The following UBE2R2 variants were observed in gnomAD, a reference collection of about 807,000 sequenced individuals.
UBE2R2 encodes the protein ubiquitin conjugating enzyme E2 R2, also known as ubiquitin-conjugating enzyme E2 R2.
Under a neutral mutation model 27.8 loss-of-function variants are expected in UBE2R2, and 1 was observed. The observed-to-expected ratio is 0.04, with a 90% CI of 0.01 to 0.17. The LOEUF (loss-of-function observed/expected upper bound fraction) is 0.17. UBE2R2 is among the 10% of genes least tolerant of loss of function. UBE2R2 has a pLI of 1.00. For missense variants in UBE2R2, 100 were observed against 291.0 expected, an observed-to-expected ratio of 0.34 and a Z score of 4.78; for synonymous variants, 106 against 113.3, an observed-to-expected ratio of 0.94 and a Z score of 0.41.
chr9:33,822,288 T>A (rs1228241745), intron 1 of UBE2R2, among the ~76,000 whole-genome samples: 1 of 151,676 alleles, frequency 6.6e-6, no homozygotes, highest in Non-Finnish European at 1.5e-5. Flanking sequence ...ACGAGGTTTC[T>A]CCATGTTGGT....
At chr9:33,913,874 A>C (rs1000911649) in intron 4 of UBE2R2, among the ~76,000 whole-genome samples, 1 of 152,198 alleles carries the variant, frequency 6.6e-6, no homozygotes, top group South Asian at 2.1e-4. Flanking sequence ...GTGTGTGTAT[A>C]TATATCTCAC....
chr9:33,848,846 C>G (rs1488029486), intron 1 of UBE2R2, among the ~76,000 whole-genome samples: 1 of 151,914 alleles, frequency 6.6e-6, no homozygotes, highest in East Asian at 1.9e-4. Flanking sequence ...TCAGGTGATC[C>G]AACCACCTTG....
intron 3 of UBE2R2, among the ~76,000 whole-genome samples, chr9:33,911,425 A>G (rs1044300262): frequency 2.0e-5 from 3 of 148,246 alleles, no homozygotes; most frequent in African/African-American, 7.4e-5. Context: ...AAAAAAAAAA[A>G]AAAAAAAAAA....
chr9:33,839,113 A>C (rs1191931450), intron 1 of UBE2R2, among the ~76,000 whole-genome samples: 2 of 151,652 alleles, frequency 1.3e-5, no homozygotes, highest in Non-Finnish European at 2.9e-5. Flanking sequence ...CTGTGGTCTG[A>C]ATGTGTATCC....
chr9:33,842,444 A>G (rs1820751366), intron 1 of UBE2R2, among the ~76,000 whole-genome samples: 1 of 152,236 alleles, frequency 6.6e-6, no homozygotes, highest in Non-Finnish European at 1.5e-5. Flanking sequence ...TCAAATAAAA[A>G]TAATTGAAAT....
chr9:33,900,349 G>T, intron 3 of UBE2R2, 78 bp downstream of exon 3: 3 of 1,034,050 alleles, frequency 2.9e-6, no homozygotes, highest in Admixed American at 2.1e-5. Context: ...ATTATGTATT[G>T]TCTTTTAACA....
At chr9:33,901,717 A>T (rs1822248342) in intron 3 of UBE2R2, among the ~76,000 whole-genome samples, 1 of 152,174 alleles carries the variant, frequency 6.6e-6, no homozygotes, top group South Asian at 2.1e-4. Context: ...TTTGTTACTC[A>T]TTCCTTTGGG....
At chr9:33,880,838 T>C (rs1458269892) in intron 1 of UBE2R2, among the ~76,000 whole-genome samples, 1 of 151,832 alleles carries the variant, frequency 6.6e-6, no homozygotes, top group African/African-American at 2.4e-5. Flanking sequence ...GTGTTCCTTA[T>C]GAGAATCTGA....
intron 1 of UBE2R2, chr9:33,818,793 A>T (rs1046653034): frequency 6.6e-6 from 1 of 152,160 alleles, no homozygotes; most frequent in Non-Finnish European, 1.5e-5. Context: ...TCAAGTGGTT[A>T]ACTCTAGCTA....
Position 33,842,290 on chromosome 9 carries a change from A to G in UBE2R2, c.177+24356A>G, listed in dbSNP as rs563449917. Among the ~76,000 whole-genome samples, 11 of 152,304 alleles carry G rather than the reference A, an allele frequency of 7.2e-5. No individual in the cohort carries two copies. The South Asian group carries it at 1.7e-3, about 23-fold the overall frequency. On this transcript the variant is annotated intron_variant, in intron 1 of 4. Coordinates refer to ENST00000263228, the MANE Select transcript of UBE2R2 (RefSeq NM_017811.4). ...GTGGTGCACACCTGTAGTCCCAGAT[A>G]CGCGGAAGGCTGAGGTAGGAGGATC...
intron 3 of UBE2R2, among the ~76,000 whole-genome samples, chr9:33,909,710 C>T (rs532392446): frequency 8.5e-5 from 13 of 152,230 alleles, no homozygotes; most frequent in Admixed American, 8.5e-4. Flanking sequence ...TGAGCCACCA[C>T]GCCTGGGCTT....
chr9:33,911,431 A>G (rs944324408), intron 3 of UBE2R2, among the ~76,000 whole-genome samples: 1 of 140,504 alleles, frequency 7.1e-6, no homozygotes, highest in African/African-American at 2.7e-5. Flanking sequence ...AAAAAAAAAA[A>G]AAAACCTGGT....
intron 1 of UBE2R2, among the ~76,000 whole-genome samples, chr9:33,827,990 A>T (rs1820353498): frequency 6.6e-6 from 1 of 151,424 alleles, no homozygotes; most frequent in African/African-American, 2.4e-5. Flanking sequence ...ATAAATACAA[A>T]TAAAATAAAT....
At chr9:33,817,049 G>A (rs917685763), upstream of UBE2R2, among the ~76,000 whole-genome samples, 1 of 151,978 alleles carries the variant, frequency 6.6e-6, no homozygotes, top group African/African-American at 2.4e-5. Context: ...GGCACGGTGG[G>A]GGGAGGGGAG....
At chr9:33,848,032 T>C (rs1036661936) in intron 1 of UBE2R2, among the ~76,000 whole-genome samples, 1 of 151,932 alleles carries the variant, frequency 6.6e-6, no homozygotes, top group Non-Finnish European at 1.5e-5. Context: ...TGGGATTACA[T>C]GCAGGAGCCA....
At chr9:33,859,759 TTTG>T (rs1158897047) in intron 1 of UBE2R2, among the ~76,000 whole-genome samples, 85 of 117,176 alleles carry the variant, frequency 7.3e-4, no homozygotes, top group African/African-American at 2.8e-3. Flanking sequence ...ATCTAAGCCT[TTTG>T]TGTGTGTGTG....
At chr9:33,874,332 G>C (rs1821556809) in intron 1 of UBE2R2, among the ~76,000 whole-genome samples, 1 of 152,006 alleles carries the variant, frequency 6.6e-6, no homozygotes. Context: ...ATAGACCATT[G>C]TATAGAAGAT....
intron 1 of UBE2R2, among the ~76,000 whole-genome samples, chr9:33,820,065 G>A (rs1465274102): frequency 6.6e-6 from 1 of 152,224 alleles, no homozygotes; most frequent in Non-Finnish European, 1.5e-5. Flanking sequence ...ATGGGTACTA[G>A]TTAGAATAAT....
chr9:33,867,873 C>T (rs561501836), intron 1 of UBE2R2, among the ~76,000 whole-genome samples: 8 of 152,198 alleles, frequency 5.3e-5, no homozygotes, highest in African/African-American at 1.7e-4. Context: ...GAGCTGAGAT[C>T]GTGCCACGAT....
Sources: gnomAD v4.1 joint callset for allele counts (sites outside exome capture counted in the v4.1 genomes callset) on GRCh38, gnomAD v4.1.1 for gene constraint, MANE v1.5 for transcripts, NCBI Gene and HGNC (gene_info 2026-07-23, HGNC 2026-07-21) for gene names.